Variants in EPN2 observed in about 807,000 individuals in gnomAD.
EPN2 encodes epsin 2, also known as epsin-2.
EPN2 carries 34 observed loss-of-function variants against 61.7 expected under a neutral mutation model. The observed-to-expected ratio is 0.55, with a 90% CI of 0.42 to 0.73. EPN2 has a LOEUF of 0.73. Among genes scored for constraint, EPN2 ranks in the 30% least tolerant of loss-of-function variants. The probability of loss-of-function intolerance (pLI) is 0.00; values close to 1 mark genes in which losing one functional copy is unlikely to be tolerated. For synonymous variants in EPN2, 349 were observed against 353.6 expected (o/e 0.99, Z 0.15); for missense variants, 714 against 839.2 (o/e 0.85, Z 1.84).
At chr17:19,321,489 C>T (rs1217539863) in intron 7 of EPN2, among the ~76,000 whole-genome samples, 1 of 152,124 alleles carries the variant, frequency 6.6e-6, no homozygotes, top group Non-Finnish European at 1.5e-5. Flanking sequence ...GTTGCCAGGG[C>T]AGGATCTGTC....
chr17:19,289,511 A>ATGAT (rs1185640076), intron 4 of EPN2, among the ~76,000 whole-genome samples: 4 of 151,962 alleles, frequency 2.6e-5, no homozygotes, highest in Non-Finnish European at 5.9e-5. Context: ...CCATCATCTG[A>ATGAT]GATGAGGGCG....
At chr17:19,329,001 C>T in intron 8 of EPN2, 114 bp downstream of exon 8, 1 of 944,690 alleles carries the variant, frequency 1.1e-6, no homozygotes. Context: ...TTGCTCCCCT[C>T]CTCCCCCTTA....
chr17:19,304,808 C>T (rs1183716634), intron 4 of EPN2, among the ~76,000 whole-genome samples: 1 of 152,184 alleles, frequency 6.6e-6, no homozygotes, highest in African/African-American at 2.4e-5. Flanking sequence ...GTGCTCTTTC[C>T]ACTATCTGGT....
intron 7 of EPN2, among the ~76,000 whole-genome samples, chr17:19,318,496 G>T (rs1598019468): frequency 1.6e-5 from 2 of 122,084 alleles, no homozygotes; most frequent in South Asian, 5.1e-4. Flanking sequence ...GTTGCAGTGA[G>T]CCGAGATCAT....
intron 1 of EPN2, among the ~76,000 whole-genome samples, chr17:19,250,854 C>G (rs920392250): frequency 1.3e-5 from 2 of 150,944 alleles, no homozygotes; most frequent in Non-Finnish European, 1.5e-5. Context: ...GCACCTCCCC[C>G]CTCACTTACT....
chr17:19,254,279 C>T (rs2045049415), intron 1 of EPN2, among the ~76,000 whole-genome samples: 2 of 151,512 alleles, frequency 1.3e-5, no homozygotes, highest in Non-Finnish European at 2.9e-5. Flanking sequence ...ACAGAGCTCA[C>T]GCCTGTAATC....
intron 1 of EPN2, among the ~76,000 whole-genome samples, chr17:19,272,057 A>G (rs887424512): frequency 2.6e-5 from 4 of 152,204 alleles, no homozygotes; most frequent in African/African-American, 9.6e-5. Flanking sequence ...TGTTTTTCAG[A>G]TGTCTCAAGC....
chr17:19,280,367 G>A (rs1052230903), intron 1 of EPN2, among the ~76,000 whole-genome samples: 2 of 152,120 alleles, frequency 1.3e-5, no homozygotes, highest in African/African-American at 4.8e-5. Context: ...CTTTTTCTTT[G>A]TGAGGCCCAT....
chr17:19,331,905 C>G lies in EPN2; in HGVS notation c.1464C>G (p.Asp488Glu), dbSNP rs200927102. 2.5e-6 allele frequency: 4 copies of G among 1,614,062 alleles called. No homozygotes were observed. The Admixed American group carries it at 5.0e-5, about 20-fold the overall frequency. Residue 488 changes from aspartate (D) to glutamate (E), a missense_variant, in exon 10 of 11, where the codon GAC becomes GAG. Around this residue, in one of 2 missense-constraint regions of EPN2, gnomAD observed 410 missense variants for 421.8 expected, o/e 0.97. Transcript: ENST00000314728. ...PSQNNGTTSP[D>E]PFESQPLTVA... ...AAAACAATGGAACTACCAGCCCTGACCCCTTTGAGTCTCAACCCCTGACTG... is the reference window on the plus strand; with the variant it reads ...AAAACAATGGAACTACCAGCCCTGAGCCCTTTGAGTCTCAACCCCTGACTG...
At chr17:19,277,505 T>C (rs1168126026) in intron 1 of EPN2, among the ~76,000 whole-genome samples, 4 of 151,886 alleles carry the variant, frequency 2.6e-5, no homozygotes, top group Non-Finnish European at 4.4e-5. Context: ...ATGGCAGATG[T>C]TTGCTGGGAG....
intron 1 of EPN2, chr17:19,271,561 T>C (rs1467028): frequency 0.44 from 67,512 of 152,214 alleles, 22,111 homozygotes; most frequent in East Asian, 0.99. Context: ...CCTGGCTCAC[T>C]GCCCATCCCG....
chr17:19,335,628 T>C lies in EPN2; in HGVS notation c.*1374T>C. 4.2e-6 allele frequency: 2 copies of C among 477,214 alleles called. No homozygotes were observed. 29.6% of individuals were successfully genotyped at this position (477,214 alleles called of 1,614,324 possible). On this transcript the variant is annotated 3_prime_UTR_variant, in exon 11 of 11. Transcript: ENST00000314728. The stretch of plus-strand genomic sequence containing the variant: ...CTAGGCTAAGACAGGGGTGGGGGGC[T>C]AAGGGACCAGGGCTGGCCCTGATCC...
At chr17:19,326,686 CAAAAAAA>C (rs36161060) in intron 7 of EPN2, among the ~76,000 whole-genome samples, 1 of 76,866 alleles carries the variant, frequency 1.3e-5, no homozygotes, top group South Asian at 5.2e-4. Flanking sequence ...GACTCCGTCT[CAAAAAAA>C]AAAAAAAAAA....
chr17:19,328,612 A>G, intron 7 of EPN2, 99 bp from the exon 8 acceptor site: 1 of 1,168,308 alleles, frequency 8.6e-7, no homozygotes, highest in Non-Finnish European at 1.2e-6. Flanking sequence ...GGCACAGGGC[A>G]TAGACCCTGG....
chr17:19,303,184 T>C (rs1567861275), intron 4 of EPN2, among the ~76,000 whole-genome samples: 1 of 152,178 alleles, frequency 6.6e-6, no homozygotes, highest in Non-Finnish European at 1.5e-5. Flanking sequence ...CTCACATTAC[T>C]CCCCTAAATG....
At chr17:19,240,531 C>T (rs1198310961) in intron 1 of EPN2, among the ~76,000 whole-genome samples, 1 of 152,192 alleles carries the variant, frequency 6.6e-6, no homozygotes, top group African/African-American at 2.4e-5. Flanking sequence ...CAGGTGTGAG[C>T]CACCATGGCC....
At chr17:19,324,533 A>G (rs559876873) in intron 7 of EPN2, among the ~76,000 whole-genome samples, 19 of 152,240 alleles carry the variant, frequency 1.2e-4, no homozygotes, top group East Asian at 1.9e-4. Context: ...AGGTTTCTCA[A>G]TGTTGATCAG....
chr17:19,308,449 G>T lies in EPN2; in HGVS notation c.767-1436G>T, dbSNP rs1356563215. On this transcript the variant is annotated intron_variant, in intron 4 of 10. Transcript: ENST00000314728. ...GTTGTCCATCTGTCGACCTGTGCAT[G>T]CACCTGTCTGTGCATGCATGTAAGC... 7.1e-6 allele frequency: 7 copies of T among 985,346 alleles called. No homozygotes were observed. In the African/African-American group the frequency reaches 1.0e-4, roughly 15 times the overall value. The allele number at this position is 985,346 out of a possible 1,614,324, so 61.0% of individuals were successfully genotyped here.
rs1358208102 is a variant in EPN2 at position 19,285,046 on chromosome 17, A to G, written c.596-574A>G. 6.6e-6 allele frequency among the ~76,000 whole-genome samples: 1 copy of G among 152,182 alleles called. No homozygotes were observed. Among genetic ancestry groups the G allele is most frequent in the Non-Finnish European group, 1.5e-5 (1 of 68,036 alleles). On this transcript the variant is annotated intron_variant, in intron 3 of 10. Transcript: ENST00000314728. The surrounding 1 kb of genome is among the most constrained non-coding windows in gnomAD (Gnocchi z 4.5). Reference sequence around the variant, plus strand: ...TGAAGATTGCCCTTTAAGAAGTGAAATTGTTTTATTTCTCTCAAGGATCCT... The same window carrying G: ...TGAAGATTGCCCTTTAAGAAGTGAAGTTGTTTTATTTCTCTCAAGGATCCT...
Sources: gnomAD v4.1 joint callset for allele counts (sites outside exome capture counted in the v4.1 genomes callset) on GRCh38, gnomAD v4.1.1 for gene constraint, gnomAD v4.1.1 regional missense constraint, Gnocchi (gnomAD v3.1) non-coding constraint, MANE v1.5 for transcripts, NCBI Gene and HGNC (gene_info 2026-07-23, HGNC 2026-07-21) for gene names.